Variants in PPFIBP2 observed in about 807,000 individuals in gnomAD.
The protein encoded by PPFIBP2 is liprin-beta-2.
A neutral mutation model predicts 118.3 loss-of-function variants in PPFIBP2; 118 were observed. The observed-to-expected ratio is 1.00, with a 90% CI of 0.86 to 1.16. The LOEUF is 1.16. Among genes scored for constraint, PPFIBP2 ranks in the 50% most tolerant of loss-of-function variants. The pLI is 0.00. For missense variants in PPFIBP2, 1,195 were observed against 1,073.1 expected, an observed-to-expected ratio of 1.11 and a Z score of -1.59; for synonymous variants, 414 against 397.4, an observed-to-expected ratio of 1.04 and a Z score of -0.50.
At chr11:7,625,036 A>G (rs945122672) in intron 7 of PPFIBP2, among the ~76,000 whole-genome samples, 1 of 152,006 alleles carries the variant, frequency 6.6e-6, no homozygotes, top group African/African-American at 2.4e-5. Context: ...TTTAACCTGC[A>G]CTACTTAATG....
intron 6 of PPFIBP2, among the ~76,000 whole-genome samples, chr11:7,620,241 C>T (rs1849182002): frequency 6.6e-6 from 1 of 152,168 alleles, no homozygotes; most frequent in African/African-American, 2.4e-5. Flanking sequence ...ATCCTCAAGC[C>T]TTTACCTTAG....
At chr11:7,544,666 C>T (rs187579021) in intron 1 of PPFIBP2, among the ~76,000 whole-genome samples, 6 of 149,682 alleles carry the variant, frequency 4.0e-5, no homozygotes, top group Non-Finnish European at 7.4e-5. Context: ...CCTAGCTACT[C>T]GGGAGGCTGA....
chr11:7,647,844 T>C (rs1853340500), intron 17 of PPFIBP2, among the ~76,000 whole-genome samples: 1 of 152,236 alleles, frequency 6.6e-6, no homozygotes, highest in Non-Finnish European at 1.5e-5. Context: ...ATGAAAAATA[T>C]ATTGTCCTTT....
chr11:7,620,519 G>A lies in PPFIBP2; in HGVS notation c.619-416G>A, dbSNP rs192315566. Among the ~76,000 whole-genome samples, 168 of 152,196 alleles carry A rather than the reference G, an allele frequency of 1.1e-3. 2 individuals are homozygous for A. The highest frequency in any genetic ancestry group is 4.0e-3 in the African/African-American group (166 of 41,528). ...CCTCTTCTATCTTCCTTCACTCCCAGCACAGAGAGATGCTCCCAATTAGCC... is the reference window on the plus strand; with the variant it reads ...CCTCTTCTATCTTCCTTCACTCCCAACACAGAGAGATGCTCCCAATTAGCC... On this transcript the variant is annotated intron_variant, in intron 6 of 23. Coordinates refer to ENST00000299492, the MANE Select transcript of PPFIBP2 (RefSeq NM_003621.5).
At chr11:7,609,818 G>C (rs1359531987) in intron 5 of PPFIBP2, among the ~76,000 whole-genome samples, 1 of 152,184 alleles carries the variant, frequency 6.6e-6, no homozygotes, top group Non-Finnish European at 1.5e-5. Context: ...TCCTGTCTAG[G>C]TTCATTGCAG....
intron 1 of PPFIBP2, among the ~76,000 whole-genome samples, chr11:7,537,576 C>T (rs922156174): frequency 3.3e-5 from 5 of 152,322 alleles, no homozygotes; most frequent in South Asian, 2.1e-4. Context: ...CTCTCATTTA[C>T]GTTTACTTCT....
Position 7,616,119 on chromosome 11 carries a change from A to G in PPFIBP2, c.619-4816A>G, listed in dbSNP as rs1173850667. On this transcript the variant is annotated intron_variant, in intron 6 of 23. Transcript: ENST00000299492. This position sits in a 1 kb window ranked among gnomAD's most constrained non-coding sequence, Gnocchi z 5.2. ...GAAACTAAAGGACAATGCTGAGGACAACACAAAGCCATACACACACATACA... is the reference window on the plus strand; with the variant it reads ...GAAACTAAAGGACAATGCTGAGGACGACACAAAGCCATACACACACATACA... Among the ~76,000 whole-genome samples, 2 of 152,168 alleles carry G rather than the reference A, an allele frequency of 1.3e-5. No homozygotes were observed. The highest frequency in any genetic ancestry group is 3.8e-4 in the East Asian group (2 of 5,202).
At position 7,616,503 on chromosome 11, in the gene PPFIBP2, C is replaced by T. The variant is rs567297895; in HGVS notation, c.619-4432C>T. ...CTTATCGGTTTGGCCGGGAATGTGT[C>T]GTGTGGTAGACCAGGTAAATCCACA... On this transcript the variant is annotated intron_variant, in intron 6 of 23. Transcript: ENST00000299492. This position sits in a 1 kb window ranked among gnomAD's most constrained non-coding sequence, Gnocchi z 5.2. Among the ~76,000 whole-genome samples, 17 of 152,260 alleles carry T rather than the reference C, an allele frequency of 1.1e-4. No homozygotes were observed. The highest frequency in any genetic ancestry group is 1.7e-4 in the African/African-American group (7 of 41,554).
intron 3 of PPFIBP2, chr11:7,576,929 C>G (rs1440417043): frequency 6.6e-6 from 1 of 152,328 alleles, no homozygotes; most frequent in Non-Finnish European, 1.5e-5. Context: ...GCGTGGGCTT[C>G]AGGGCGGGGG....
intron 1 of PPFIBP2, among the ~76,000 whole-genome samples, chr11:7,515,252 T>C (rs1251688967): frequency 1.3e-5 from 2 of 152,230 alleles, no homozygotes; most frequent in African/African-American, 4.8e-5. Context: ...TTTTCACTGA[T>C]TGCATTTATC....
chr11:7,619,245 A>G (rs990809056), intron 6 of PPFIBP2, among the ~76,000 whole-genome samples: 3 of 152,226 alleles, frequency 2.0e-5, no homozygotes, highest in Admixed American at 1.3e-4. Flanking sequence ...ACAAGAGAAT[A>G]TAGCAGAGGG....
chr11:7,654,981 G>A (rs11041506), downstream of PPFIBP2, among the ~76,000 whole-genome samples: 81,379 of 152,022 alleles, frequency 0.54, 23,259 homozygotes, highest in Non-Finnish European at 0.65. Flanking sequence ...GGGCAGGAGG[G>A]AGGCTCTTGA....
At chr11:7,532,694 C>G (rs867029859) in intron 1 of PPFIBP2, among the ~76,000 whole-genome samples, 66 of 152,234 alleles carry the variant, frequency 4.3e-4, no homozygotes, top group Non-Finnish European at 8.8e-5. Flanking sequence ...CGGGGGAAGC[C>G]TCCTTCTCCT....
intron 3 of PPFIBP2, among the ~76,000 whole-genome samples, chr11:7,587,601 A>C (rs1234179603): frequency 6.6e-6 from 1 of 152,242 alleles, no homozygotes; most frequent in African/African-American, 2.4e-5. Context: ...GAATGCCTCC[A>C]GTCTTTTTCT....
chr11:7,583,623 C>G (rs1319597930), intron 3 of PPFIBP2, among the ~76,000 whole-genome samples: 1 of 152,120 alleles, frequency 6.6e-6, no homozygotes, highest in African/African-American at 2.4e-5. Flanking sequence ...GTCCAGCTAC[C>G]AGATAAAGAG....
intron 3 of PPFIBP2, among the ~76,000 whole-genome samples, chr11:7,574,695 G>T (rs544227797): frequency 6.6e-6 from 1 of 152,104 alleles, no homozygotes; most frequent in Non-Finnish European, 1.5e-5. Context: ...AGGGAGCCAC[G>T]ACAGGGACCC....
chr11:7,591,857 G>A (rs1022322200), intron 3 of PPFIBP2, among the ~76,000 whole-genome samples: 6 of 152,224 alleles, frequency 3.9e-5, no homozygotes, highest in African/African-American at 1.4e-4. Context: ...GACTGGGCAT[G>A]GCTCTGTTGC....
chr11:7,648,356 A>C (rs1314920868), intron 17 of PPFIBP2, 31 bp from the exon 18 acceptor site: 1 of 1,586,104 alleles, frequency 6.3e-7, no homozygotes, highest in South Asian at 1.1e-5. Context: ...CTCTCCCACT[A>C]ACAGGAATAT....
In PPFIBP2 at chr11:7,593,146, C is replaced by T; in HGVS notation, c.294C>T (p.His98=). ...WFEESLSQVN[H]HSAASNETYQ... is the part of the protein sequence containing the mutation. ...GTCCTCTTTAGTCCCAGGTAAACCACCACAGTGCTGCTAGTAATGAAACCT... is the reference window on the plus strand; with the variant it reads ...GTCCTCTTTAGTCCCAGGTAAACCATCACAGTGCTGCTAGTAATGAAACCT... Residue 98 remains histidine, a synonymous_variant, in exon 4 of 24, where the codon CAC becomes CAT. Transcript: ENST00000299492. 6.2e-7 allele frequency: 1 copy of T among 1,614,032 alleles called. No homozygotes were observed. The highest frequency in any genetic ancestry group is 8.5e-7 in the Non-Finnish European group (1 of 1,179,958).
Sources: gnomAD v4.1 joint callset for allele counts (sites outside exome capture counted in the v4.1 genomes callset) on GRCh38, gnomAD v4.1.1 for gene constraint, Gnocchi (gnomAD v3.1) non-coding constraint, MANE v1.5 for transcripts, NCBI Gene and HGNC (gene_info 2026-07-23, HGNC 2026-07-21) for gene names.